The following ATP7B variants were observed in gnomAD, a reference collection of about 807,000 sequenced individuals.
ATP7B encodes the protein copper-transporting ATPase 2.
Under a neutral mutation model 118.9 loss-of-function variants are expected in ATP7B, and 113 were observed. The ratio of observed to expected loss-of-function variants is 0.95; its 90% confidence interval spans 0.82 to 1.11. ATP7B has a LOEUF of 1.11. Among genes scored for constraint, ATP7B ranks in the 50% most tolerant of loss-of-function variants. The pLI, the probability that ATP7B is intolerant of heterozygous loss-of-function variation, is 0.00. For missense variants in ATP7B, 1,867 were observed against 1,871.4 expected, an observed-to-expected ratio of 1.00 and a Z score of 0.04; for synonymous variants, 777 against 727.4, an observed-to-expected ratio of 1.07 and a Z score of -1.10.
chr13:51,975,535 G>A (rs750167928), intron 1 of ATP7B: 2 of 524,104 alleles, frequency 3.8e-6, no homozygotes, highest in Admixed American at 3.9e-5. Flanking sequence ...GAAGGCACAG[G>A]TATCCCAAAA....
Position 51,974,660 on chromosome 13 carries a change from T to G in ATP7B, c.560A>C (p.Tyr187Ser). The change falls in exon 2 of 21, where the codon TAT (tyrosine) becomes TCT (serine). Residue 187 changes from tyrosine to serine, a missense_variant. Transcript: ENST00000242839. ...TTCGGGCTGAATGAGATAAGGCTGA[T>G]AAGTGATGACGGCCTCTTGGTTGCT... ...SLSNQEAVIT[Y>S]QPYLIQPEDL... 6.2e-7 allele frequency: 1 copy of G among 1,611,562 alleles called. No individual in the cohort carries two copies.
Position 51,974,137 on chromosome 13 carries a change from A to G in ATP7B, c.1083T>C (p.Thr361=). 1 of 1,613,308 alleles carries G rather than the reference A, an allele frequency of 6.2e-7. No homozygotes were observed. The highest frequency in any genetic ancestry group is 8.5e-7 in the Non-Finnish European group (1 of 1,179,872). ...AGGTCATGCCGGCAATGGCAATCAG[A>G]GTGGTACTGCATGTGCCCTGGACCT... is the stretch of plus-strand genomic sequence containing the variant. The part of the protein sequence containing the change: ...RNQVQGTCST[T]LIAIAGMTCA... The change falls in exon 2 of 21, where the codon ACT becomes ACC. Residue 361 remains threonine, a synonymous_variant. Transcript: ENST00000242839.
chr13:51,957,271 A>C (rs1229733978), intron 9 of ATP7B, among the ~76,000 whole-genome samples: 3 of 151,904 alleles, frequency 2.0e-5, no homozygotes, highest in African/African-American at 7.3e-5. Flanking sequence ...CCTCTTCTTA[A>C]TTCCTGGAAT....
In ATP7B at chr13:51,974,819, G is replaced by A; in HGVS notation, c.401C>T (p.Pro134Leu). 1.2e-6 allele frequency: 2 copies of A among 1,614,182 alleles called. No individual in the cohort carries two copies. The highest frequency in any genetic ancestry group is 1.1e-5 in the South Asian group (1 of 91,086). The change falls in exon 2 of 21, where the codon CCC (proline) becomes CTC (leucine). Residue 134 changes from proline (P) to leucine (L), a missense_variant. Pro to Leu is a moderately conservative substitution (Grantham distance 98, BLOSUM62 -3). Coordinates refer to ENST00000242839, the MANE Select transcript of ATP7B (RefSeq NM_000053.4). ...CTCCTGGGCAGGCAAGGACCTTGAG[G>A]GCCAGGAGGCTGCCTTTCCTTCTGC... ...SIAEGKAASWPSRSLPAQEAV... is the reference protein window; with the variant it reads ...SIAEGKAASWLSRSLPAQEAV...
Position 51,989,014 on chromosome 13 carries a change from CCTG to C in ATP7B, c.52-13849_52-13847del, listed in dbSNP as rs546903505. On this transcript the variant is annotated intron_variant, in intron 1 of 20. Coordinates refer to ENST00000242839, the MANE Select transcript of ATP7B (RefSeq NM_000053.4). ...GACACGTGTATATCTATGTAACAAA[CCTG>C]CACGTTCTGCACATGTACCCCAGAA... Among the ~76,000 whole-genome samples, 13 of 151,984 alleles carry C rather than the reference CCTG, an allele frequency of 8.6e-5. No individual in the cohort carries two copies. In the South Asian group the frequency reaches 2.7e-3, roughly 32 times the overall value.
intron 5 of ATP7B, 55 bp downstream of exon 5, chr13:51,964,817 A>T (rs1367706103): frequency 6.3e-7 from 1 of 1,584,010 alleles, no homozygotes; most frequent in Non-Finnish European, 8.6e-7. Flanking sequence ...TTCTTCACTG[A>T]TTATATATTA....
intron 13 of ATP7B, among the ~76,000 whole-genome samples, chr13:51,944,834 C>A (rs1957549070): frequency 6.6e-6 from 1 of 152,216 alleles, no homozygotes; most frequent in Non-Finnish European, 1.5e-5. Flanking sequence ...CAATGGCAGT[C>A]TGCAGAGTCC....
rs767424104 is a variant in ATP7B, at chr13:51,964,940, T to C, written c.1801A>G (p.Thr601Ala). Residue 601 changes from threonine (T) to alanine (A), a missense_variant, in exon 5 of 21, where the codon ACC becomes GCC. Coordinates refer to ENST00000242839, the MANE Select transcript of ATP7B (RefSeq NM_000053.4). ...TCAAACTTAACAAGGGCTTTGCTGGTGGCAAGGGCAACGGAGGCATAAGTG... is the reference window on the plus strand; with the variant it reads ...TCAAACTTAACAAGGGCTTTGCTGGCGGCAAGGGCAACGGAGGCATAAGTG... ...GITYASVALA[T>A]SKALVKFDPE... 5.6e-6 allele frequency: 9 copies of C among 1,614,082 alleles called. No homozygotes were observed. The highest frequency in any genetic ancestry group is 1.1e-5 in the South Asian group (1 of 91,090).
chr13:51,948,059 A>G (rs1957774372), intron 12 of ATP7B, among the ~76,000 whole-genome samples: 1 of 152,220 alleles, frequency 6.6e-6, no homozygotes. Flanking sequence ...CATTCTACCA[A>G]TATATCTGTA....
Position 51,970,566 on chromosome 13 carries a change from C to T in ATP7B, c.1469G>A (p.Cys490Tyr). Residue 490 changes from cysteine to tyrosine, a missense_variant, in exon 3 of 21, where the codon TGC becomes TAC. By Grantham distance (194) the Cys-to-Tyr change is radical. Transcript: ENST00000242839. Reference protein sequence around the residue: ...QSTRAVAPQKCFLQIKGMTCA... With the variant: ...QSTRAVAPQKYFLQIKGMTCA... ...GGTCATGCCTTTGATCTGTAAGAAGCACTTCTGCGGTGCCACTGCTCTGGT... is the reference window on the plus strand; with the variant it reads ...GGTCATGCCTTTGATCTGTAAGAAGTACTTCTGCGGTGCCACTGCTCTGGT... The T allele has an allele frequency of 1.2e-6, 2 of 1,614,170 alleles. No individual in the cohort carries two copies. Among genetic ancestry groups the T allele is most frequent in the Non-Finnish European group, 1.7e-6 (2 of 1,180,038 alleles).
intron 4 of ATP7B, among the ~76,000 whole-genome samples, chr13:51,966,192 T>C (rs903740987): frequency 6.6e-6 from 1 of 152,232 alleles, no homozygotes; most frequent in Non-Finnish European, 1.5e-5. Flanking sequence ...GTCCTAGGCA[T>C]TGTGCTACTC....
At chr13:51,959,956 G>A (rs1043141996) in intron 7 of ATP7B, 192 bp downstream of exon 7, 2 of 681,006 alleles carry the variant, frequency 2.9e-6, no homozygotes, top group Non-Finnish European at 5.0e-6. Flanking sequence ...CCCCACACTG[G>A]GGGGGCCCCA....
intron 1 of ATP7B, among the ~76,000 whole-genome samples, chr13:51,997,976 C>T (rs1335500053): frequency 6.6e-6 from 1 of 152,166 alleles, no homozygotes; most frequent in Admixed American, 6.5e-5. Flanking sequence ...AAGGCATGGG[C>T]CACCTTCCTA....
intron 1 of ATP7B, among the ~76,000 whole-genome samples, chr13:52,010,309 G>A (rs1953961786): frequency 6.6e-6 from 1 of 152,206 alleles, no homozygotes; most frequent in Non-Finnish European, 1.5e-5. Flanking sequence ...AGCAACGTCA[G>A]TGAATTAGTT....
In ATP7B at chr13:51,998,963, C is replaced by A. The variant is rs771149140; in HGVS notation, c.51+12324G>T. On this transcript the variant is annotated intron_variant, in intron 1 of 20. Coordinates refer to ENST00000242839, the MANE Select transcript of ATP7B (RefSeq NM_000053.4). ...CAAGATGGGGAGAGGAGTCCCGGAT[C>A]CTGTGACAGGACAGGAGGGCAGAGC... Among the ~76,000 whole-genome samples, 3 of 152,200 alleles carry A rather than the reference C, an allele frequency of 2.0e-5. 1 individual carries two copies. The highest frequency in any genetic ancestry group is 4.4e-5 in the Non-Finnish European group (3 of 68,046).
intron 9 of ATP7B, among the ~76,000 whole-genome samples, chr13:51,951,702 A>T (rs1958018821): frequency 6.6e-6 from 1 of 152,214 alleles, no homozygotes; most frequent in Admixed American, 6.5e-5. Flanking sequence ...GGGGATGAGG[A>T]GGAGGAGGAG....
intron 15 of ATP7B, among the ~76,000 whole-genome samples, 181 bp from the exon 16 acceptor site, chr13:51,941,405 G>A (rs1451028190): frequency 6.6e-6 from 1 of 152,076 alleles, no homozygotes; most frequent in Non-Finnish European, 1.5e-5. Context: ...TAATGTGTAG[G>A]ACATGTGGGT....
At chr13:51,970,446 T>G in intron 3 of ATP7B, 46 bp downstream of exon 3, 1 of 1,612,972 alleles carries the variant, frequency 6.2e-7, no homozygotes, top group Non-Finnish European at 8.5e-7. Context: ...GAATACGAGG[T>G]CTATACGCAG....
At chr13:52,006,047 T>C (rs1048369511) in intron 1 of ATP7B, among the ~76,000 whole-genome samples, 6 of 152,274 alleles carry the variant, frequency 3.9e-5, no homozygotes, top group Non-Finnish European at 7.3e-5. Context: ...CTTAAGGGCA[T>C]GTTCCTGCTG....
Sources: gnomAD v4.1 joint callset for allele counts (sites outside exome capture counted in the v4.1 genomes callset) on GRCh38, gnomAD v4.1.1 for gene constraint, MANE v1.5 for transcripts, NCBI Gene and HGNC (gene_info 2026-07-23, HGNC 2026-07-21) for gene names.